The following BRD10 variants were observed in gnomAD, a reference collection of about 807,000 sequenced individuals.
The protein encoded by BRD10 is bromodomain containing 10, also known as uncharacterized bromodomain-containing protein 10.
the BRD10 span, among the ~76,000 whole-genome samples, chr9:5,995,337 A>T: frequency 6.6e-6 from 1 of 152,160 alleles, no homozygotes; most frequent in Non-Finnish European, 1.5e-5. Flanking sequence ...AAATTATCTA[A>T]ATCCAGGCCC....
chr9:5,983,226 G>A, the BRD10 span, among the ~76,000 whole-genome samples: 4 of 152,182 alleles, frequency 2.6e-5, no homozygotes, highest in Non-Finnish European at 4.4e-5. Context: ...GCAGAGGCCT[G>A]AGAGGCATTA....
the BRD10 span, among the ~76,000 whole-genome samples, chr9:5,974,395 T>C: frequency 6.6e-6 from 1 of 152,104 alleles, no homozygotes; most frequent in African/African-American, 2.4e-5. Context: ...AGAATCAAAT[T>C]TATACTTTCA....
chr9:5,917,831 C>T, the BRD10 span, among the ~76,000 whole-genome samples: 4 of 152,132 alleles, frequency 2.6e-5, no homozygotes, highest in South Asian at 8.3e-4. Context: ...CCAGCCTGGA[C>T]AACAGAGAAG....
At chr9:5,954,244 C>T in the BRD10 span, 270 of 600,368 alleles carry the variant, frequency 4.5e-4, no homozygotes, top group Non-Finnish European at 1.2e-4. Context: ...AAACAAGCCC[C>T]AGTAAAAGCA....
the BRD10 span, among the ~76,000 whole-genome samples, chr9:5,993,346 G>T: frequency 7.1e-6 from 1 of 140,686 alleles, no homozygotes; most frequent in African/African-American, 2.7e-5. Context: ...ACAACTAAAT[G>T]AAGAGTTTCA....
the BRD10 span, chr9:5,922,180 C>G: frequency 6.2e-7 from 1 of 1,613,964 alleles, no homozygotes; most frequent in South Asian, 1.1e-5. Flanking sequence ...CTCTTATGCA[C>G]ACAGTTTTCA....
At chr9:5,896,767 T>C in the BRD10 span, among the ~76,000 whole-genome samples, 2 of 152,326 alleles carry the variant, frequency 1.3e-5, no homozygotes, top group African/African-American at 4.8e-5. Flanking sequence ...ACTGTAATGC[T>C]TCCCAGGGGT....
the BRD10 span, among the ~76,000 whole-genome samples, chr9:5,932,169 C>G: frequency 4.6e-5 from 7 of 152,000 alleles, no homozygotes; most frequent in African/African-American, 1.7e-4. Context: ...AAAAATCAAG[C>G]AAATATTTAT....
chr9:6,007,760 T>G, the BRD10 span: 10 of 1,577,650 alleles, frequency 6.3e-6, no homozygotes, highest in African/African-American at 1.4e-5. Flanking sequence ...GCCGGCTCCA[T>G]CGCTCCCGGC....
the BRD10 span, among the ~76,000 whole-genome samples, chr9:5,999,313 A>G: frequency 1.3e-5 from 2 of 152,118 alleles, no homozygotes; most frequent in Non-Finnish European, 2.9e-5. Context: ...AATTTCTCTT[A>G]TATCTAGCAT....
At chr9:5,925,149 A>C in the BRD10 span, among the ~76,000 whole-genome samples, 2 of 152,130 alleles carry the variant, frequency 1.3e-5, no homozygotes, top group East Asian at 3.9e-4. Context: ...TCTTGAGCCC[A>C]GGAGTTTGAG....
the BRD10 span, chr9:5,907,010 T>C: frequency 6.5e-7 from 1 of 1,536,344 alleles, no homozygotes. Context: ...TAGGTTAAGA[T>C]CCTTCATAAG....
At chr9:5,915,533 C>T in the BRD10 span, among the ~76,000 whole-genome samples, 1 of 152,270 alleles carries the variant, frequency 6.6e-6, no homozygotes, top group East Asian at 1.9e-4. Context: ...TAATCATTCC[C>T]TATGGGTCCT....
chr9:6,007,770 C>T, the BRD10 span: 4 of 1,563,106 alleles, frequency 2.6e-6, no homozygotes, highest in African/African-American at 4.1e-5. Context: ...TCGCTCCCGG[C>T]GTCCCGGGCA....
At chr9:5,933,056 G>A in the BRD10 span, among the ~76,000 whole-genome samples, 2 of 152,220 alleles carry the variant, frequency 1.3e-5, no homozygotes, top group East Asian at 1.9e-4. Context: ...TCTCTATACT[G>A]ATTAATACAC....
the BRD10 span, chr9:5,922,606 T>C: frequency 1.2e-6 from 2 of 1,613,990 alleles, no homozygotes; most frequent in East Asian, 2.2e-5. Context: ...GTTCTGTACC[T>C]TTCTGTTGAA....
chr9:5,916,591 A>G, the BRD10 span, among the ~76,000 whole-genome samples: 4 of 132,106 alleles, frequency 3.0e-5, no homozygotes, highest in African/African-American at 1.2e-4. Flanking sequence ...TATAACATAT[A>G]TATAAAACTA....
the BRD10 span, among the ~76,000 whole-genome samples, chr9:5,966,536 T>C: frequency 7.4e-6 from 1 of 135,446 alleles, no homozygotes; most frequent in Non-Finnish European, 1.5e-5. Context: ...CTCTGCTCAC[T>C]GTAACCTCTG....
the BRD10 span, among the ~76,000 whole-genome samples, chr9:5,939,488 G>C: frequency 6.6e-6 from 1 of 152,076 alleles, no homozygotes; most frequent in African/African-American, 2.4e-5. Context: ...CTTAATCATC[G>C]ATGGAATCAC....
Sources: gnomAD v4.1 joint callset for allele counts (sites outside exome capture counted in the v4.1 genomes callset) on GRCh38, gnomAD v4.1.1 for gene constraint, MANE v1.5 for transcripts, NCBI Gene and HGNC (gene_info 2026-07-23, HGNC 2026-07-21) for gene names.